Variants in NUP98 observed in about 807,000 individuals in gnomAD.
NUP98 encodes the protein nucleoporin 98 and 96 precursor.
Under a neutral mutation model 191.9 loss-of-function variants are expected in NUP98, and 26 were observed. The ratio of observed to expected loss-of-function variants is 0.14; its 90% CI spans 0.10 to 0.19. The LOEUF (loss-of-function observed/expected upper bound fraction) is 0.19, where lower values mean the gene tolerates loss of function less well. Among genes scored for constraint, NUP98 ranks in the 10% least tolerant of loss-of-function variants. The pLI is 1.00. For synonymous variants in NUP98, 808 were observed against 778.4 expected, an observed-to-expected ratio of 1.04 and a Z score of -0.63; for missense variants, 1,941 against 2,178.8, an observed-to-expected ratio of 0.89 and a Z score of 2.17.
At chr11:3,715,738 C>T (rs959073988) in intron 18 of NUP98, among the ~76,000 whole-genome samples, 4 of 152,122 alleles carry the variant, frequency 2.6e-5, no homozygotes, top group African/African-American at 9.7e-5. Flanking sequence ...CTGCCTCAGC[C>T]TCCTGAGCAG....
At chr11:3,744,455 C>T in intron 12 of NUP98, 54 bp downstream of exon 12, 2 of 1,550,992 alleles carry the variant, frequency 1.3e-6, no homozygotes, top group Non-Finnish European at 1.7e-6. Flanking sequence ...AAAATCAGGT[C>T]AGCAAGTATT....
intron 29 of NUP98, among the ~76,000 whole-genome samples, chr11:3,685,073 T>C (rs192136310): frequency 2.0e-5 from 3 of 152,326 alleles, no homozygotes; most frequent in Admixed American, 2.0e-4. Flanking sequence ...ACAGTGTCTA[T>C]CTCACAGGTC....
At chr11:3,747,663 TAAC>T (rs1173587262) in intron 11 of NUP98, among the ~76,000 whole-genome samples, 4 of 152,180 alleles carry the variant, frequency 2.6e-5, no homozygotes, top group Admixed American at 6.5e-5. Context: ...AATATTTGTG[TAAC>T]AACTACTCAT....
chr11:3,695,466 G>T lies in NUP98; in HGVS notation c.4150C>A (p.Leu1384Met). Reference sequence around the variant, plus strand: ...GAAGATACCGGTTTTCCAGCCAACAGAGCAAAGATGCGCAGTCTCTCATCC... The same window carrying T: ...GAAGATACCGGTTTTCCAGCCAACATAGCAAAGATGCGCAGTCTCTCATCC... ...IQDERLRIFA[L>M]LAGKPVWQLS... The change falls in exon 26 of 33, where the codon CTG becomes ATG. Residue 1384 changes from leucine to methionine, a missense_variant. Around this residue, in one of 6 missense-constraint regions of NUP98, gnomAD observed 1,030 missense variants for 1,115.8 expected, o/e 0.92. Coordinates refer to ENST00000324932, the MANE Select transcript of NUP98 (RefSeq NM_016320.5). 1 of 1,573,310 alleles carries T rather than the reference G, an allele frequency of 6.4e-7. No individual in the cohort carries two copies. The highest frequency in any genetic ancestry group is 8.6e-7 in the Non-Finnish European group (1 of 1,160,684).
intron 12 of NUP98, among the ~76,000 whole-genome samples, chr11:3,741,305 C>T (rs1479914405): frequency 1.4e-5 from 2 of 144,632 alleles, no homozygotes. Context: ...TTTCAGAGAA[C>T]AAGAATGAAT....
At chr11:3,699,007 A>T (rs1589980949) in intron 25 of NUP98, 75 bp downstream of exon 25, 3 of 1,540,134 alleles carry the variant, frequency 1.9e-6, no homozygotes, top group East Asian at 4.5e-5. Context: ...GAAATGCACA[A>T]TTAGCGGGGA....
chr11:3,778,523 A>T (rs2081835219), intron 4 of NUP98, among the ~76,000 whole-genome samples: 1 of 152,222 alleles, frequency 6.6e-6, no homozygotes, highest in Non-Finnish European at 1.5e-5. Flanking sequence ...GCAGCACAAT[A>T]TGGCTGACTG....
At chr11:3,749,716 G>A (rs183580406) in intron 11 of NUP98, among the ~76,000 whole-genome samples, 4 of 151,770 alleles carry the variant, frequency 2.6e-5, no homozygotes, top group African/African-American at 9.7e-5. Flanking sequence ...ACTATGAACA[G>A]AGAACTGACT....
intron 20 of NUP98, chr11:3,712,331 C>A (rs1342912448): frequency 1.7e-5 from 23 of 1,315,994 alleles, no homozygotes; most frequent in Non-Finnish European, 2.0e-5. Context: ...TTAAAAATGA[C>A]AATCTGTAGA....
At position 3,759,329 on chromosome 11, in the gene NUP98, G is replaced by A. The variant is rs144514860; in HGVS notation, c.1174+1210C>T. Among the ~76,000 whole-genome samples the A allele has an allele frequency of 1.1e-3, 172 of 152,304 alleles. 1 individual carries two copies. Among genetic ancestry groups the A allele is most frequent in the African/African-American group, 3.9e-3 (163 of 41,568 alleles). ...TTGAAAATATTGACTGGGTGTGGTG[G>A]CTCATGCCTATAATCCCAGCACTTT... On this transcript the variant is annotated intron_variant, in intron 10 of 32. Coordinates refer to ENST00000324932, the MANE Select transcript of NUP98 (RefSeq NM_016320.5).
chr11:3,751,631 G>A (rs969206878), intron 11 of NUP98, among the ~76,000 whole-genome samples: 1 of 152,156 alleles, frequency 6.6e-6, no homozygotes, highest in African/African-American at 2.4e-5. Context: ...GCTCAAGGCA[G>A]GAGGATGGCT....
intron 1 of NUP98, among the ~76,000 whole-genome samples, chr11:3,796,778 G>A (rs931326251): frequency 2.0e-5 from 3 of 152,116 alleles, no homozygotes; most frequent in Non-Finnish European, 4.4e-5. Context: ...GTAAGGTAGG[G>A]GGATTGACTT....
At chr11:3,791,669 C>A (rs1289264905) in intron 1 of NUP98, among the ~76,000 whole-genome samples, 1 of 151,022 alleles carries the variant, frequency 6.6e-6, no homozygotes, top group Non-Finnish European at 1.5e-5. Context: ...ATGATGAAAC[C>A]CTGTCTCTGC....
At chr11:3,767,476 C>T (rs566421279) in intron 8 of NUP98, among the ~76,000 whole-genome samples, 21 of 151,742 alleles carry the variant, frequency 1.4e-4, no homozygotes, top group Admixed American at 1.2e-3. Flanking sequence ...GGATTACAGG[C>T]ACCAACCACT....
At chr11:3,761,614 C>G (rs1236296454) in intron 9 of NUP98, among the ~76,000 whole-genome samples, 1 of 152,168 alleles carries the variant, frequency 6.6e-6, no homozygotes, top group East Asian at 1.9e-4. Context: ...CAAAAATCAG[C>G]TGGGCGCAGT....
intron 4 of NUP98, 71 bp downstream of exon 4, chr11:3,778,801 CG>C: frequency 6.8e-7 from 1 of 1,465,620 alleles, no homozygotes; most frequent in South Asian, 1.3e-5. Flanking sequence ...CACAGAAAAA[CG>C]GAGAAAAGAC....
At chr11:3,689,822 A>T (rs1261210647) in intron 28 of NUP98, among the ~76,000 whole-genome samples, 1 of 151,826 alleles carries the variant, frequency 6.6e-6, no homozygotes, top group Non-Finnish European at 1.5e-5. Context: ...CTTTTAGTAG[A>T]AACAGGGTTT....
intron 14 of NUP98, among the ~76,000 whole-genome samples, chr11:3,727,971 T>C (rs559426202): frequency 1.3e-5 from 2 of 152,188 alleles, no homozygotes; most frequent in East Asian, 1.9e-4. Context: ...CAGTGAGCTA[T>C]GACAGCGCCA....
chr11:3,715,698 T>C (rs1413310644), intron 18 of NUP98, among the ~76,000 whole-genome samples: 2 of 152,082 alleles, frequency 1.3e-5, no homozygotes, highest in African/African-American at 2.4e-5. Flanking sequence ...CTGGCCAACA[T>C]GGTGAAACTC....
Sources: allele counts gnomAD v4.1 joint callset (sites outside exome capture counted in the v4.1 genomes callset), GRCh38; gene constraint gnomAD v4.1.1; regional missense constraint gnomAD v4.1.1; transcripts MANE v1.5; gene names NCBI Gene and HGNC (gene_info 2026-07-23, HGNC 2026-07-21).